AFF1: variants seen among roughly 807,000 people sequenced by gnomAD.
AFF1 encodes the protein AF4/FMR2 family member 1.
In AFF1, 48 loss-of-function variants were observed where a neutral mutation model predicts 121.7. That is an observed-to-expected ratio of 0.39 (90% CI 0.31 to 0.50). The LOEUF (loss-of-function observed/expected upper bound fraction) is 0.50, where lower values mean the gene tolerates loss of function less well. Ranked by LOEUF, AFF1 falls within the 20% of genes least tolerant of loss-of-function variation. AFF1 has a pLI of 0.76. For missense variants in AFF1, 1,523 were observed against 1,511.7 expected (o/e 1.01, Z -0.12); for synonymous variants, 613 against 563.0 (o/e 1.09, Z -1.26).
chr4:87,119,744 T>C (rs1482846808), intron 12 of AFF1, among the ~76,000 whole-genome samples: 1 of 152,206 alleles, frequency 6.6e-6, no homozygotes, highest in African/African-American at 2.4e-5. Context: ...AATAAGGAGG[T>C]GCATTCATTC....
rs767372184 is a variant in AFF1, at chr4:87,139,218, C to T, written c.*3517C>T. On this transcript the variant is annotated 3_prime_UTR_variant, in exon 21 of 21. Coordinates refer to ENST00000395146, the MANE Select transcript of AFF1 (RefSeq NM_001166693.3). ...TTTTTAAATACCGCTGTGTTTGTTT[C>T]GCCATGGCTTCAGGGATGCTACATG... 6 of 232,192 alleles carry T rather than the reference C, an allele frequency of 2.6e-5. No individual in the cohort carries two copies. The South Asian group carries it at 7.2e-4, about 28-fold the overall frequency. The allele number at this position is 232,192 out of a possible 1,614,324, so 14.4% of individuals were successfully genotyped here.
At chr4:87,005,031 A>G (rs936071991) in intron 2 of AFF1, among the ~76,000 whole-genome samples, 3 of 152,176 alleles carry the variant, frequency 2.0e-5, no homozygotes, top group Non-Finnish European at 2.9e-5. Context: ...TGTTTGAGAG[A>G]GAGTCTTACT....
intron 2 of AFF1, among the ~76,000 whole-genome samples, chr4:86,981,853 A>G (rs1723782524): frequency 6.6e-6 from 1 of 152,226 alleles, no homozygotes; most frequent in South Asian, 2.1e-4. Flanking sequence ...TTCCTCTTAA[A>G]GCCTGTTGGT....
intron 4 of AFF1, among the ~76,000 whole-genome samples, chr4:87,058,279 A>T (rs1403591629): frequency 3.3e-5 from 5 of 152,168 alleles, no homozygotes; most frequent in African/African-American, 1.2e-4. Context: ...ATGATGGCTT[A>T]TGTACACTTT....
chr4:86,959,402 C>G (rs1283448093), intron 2 of AFF1, among the ~76,000 whole-genome samples: 2 of 151,662 alleles, frequency 1.3e-5, no homozygotes, highest in Non-Finnish European at 1.5e-5. Context: ...TGTGTTGGGT[C>G]CCTTCCTCTT....
chr4:87,097,627 A>C, intron 8 of AFF1, among the ~76,000 whole-genome samples: 1 of 152,242 alleles, frequency 6.6e-6, no homozygotes, highest in East Asian at 1.9e-4. Context: ...AGGTAGAAGT[A>C]GGACCTAGTG....
chr4:87,102,488 T>C (rs758848796), intron 8 of AFF1, among the ~76,000 whole-genome samples: 3 of 152,212 alleles, frequency 2.0e-5, no homozygotes, highest in Non-Finnish European at 2.9e-5. Flanking sequence ...ATCTTGGGCA[T>C]GTCAGGTGGC....
At chr4:87,067,376 T>G (rs1185653512) in intron 4 of AFF1, among the ~76,000 whole-genome samples, 2 of 152,210 alleles carry the variant, frequency 1.3e-5, no homozygotes, top group Non-Finnish European at 2.9e-5. Flanking sequence ...TCCTGAGATT[T>G]TTGAGAATTC....
At position 87,092,655 on chromosome 4, in the gene AFF1, A is replaced by T. The variant is rs72879920; in HGVS notation, c.1228+826A>T. Among the ~76,000 whole-genome samples the T allele has an allele frequency of 1.5e-3, 227 of 152,190 alleles. 1 individual carries two copies. Among genetic ancestry groups the T allele is most frequent in the African/African-American group, 5.2e-3 (214 of 41,512 alleles). On this transcript the variant is annotated intron_variant, in intron 7 of 20. Transcript: ENST00000395146. ...CAAAGTATAGCACAAAAAACCTAAAATATTTATTGTCTGGCCTCTGTAGAT... is the reference window on the plus strand; with the variant it reads ...CAAAGTATAGCACAAAAAACCTAAATTATTTATTGTCTGGCCTCTGTAGAT...
In AFF1 at chr4:87,126,303, G is replaced by A; in HGVS notation, c.2778G>A (p.Glu926=). ...DSSIPKQRRV[E]GKGSRSSSEH... Reference sequence around the variant, plus strand: ...CCATTCCCAAGCAGAGAAGAGTAGAGGGGAAGGGCTCCAGAAGCTCCTCGG... The same window carrying A: ...CCATTCCCAAGCAGAGAAGAGTAGAAGGGAAGGGCTCCAGAAGCTCCTCGG... The change falls in exon 14 of 21, where the codon GAG becomes GAA. Residue 926 remains glutamate, a synonymous_variant. Coordinates refer to ENST00000395146, the MANE Select transcript of AFF1 (RefSeq NM_001166693.3). 1 of 1,614,166 alleles carries A rather than the reference G, an allele frequency of 6.2e-7. No homozygotes were observed. Among genetic ancestry groups the A allele is most frequent in the Non-Finnish European group, 8.5e-7 (1 of 1,180,020 alleles).
chr4:87,076,285 C>T (rs998003911), intron 4 of AFF1, among the ~76,000 whole-genome samples: 1 of 152,174 alleles, frequency 6.6e-6, no homozygotes, highest in African/African-American at 2.4e-5. Flanking sequence ...TCTCCTCTCC[C>T]TGAAAAATCT....
chr4:86,967,936 G>C (rs1722648631), intron 2 of AFF1, among the ~76,000 whole-genome samples: 1 of 152,178 alleles, frequency 6.6e-6, no homozygotes, highest in Non-Finnish European at 1.5e-5. Context: ...TTGTGCATGA[G>C]ATTTCCCAAC....
intron 4 of AFF1, among the ~76,000 whole-genome samples, chr4:87,068,435 T>C (rs1321189549): frequency 2.0e-5 from 3 of 152,242 alleles, no homozygotes; most frequent in African/African-American, 7.2e-5. Flanking sequence ...GGCTTAACTA[T>C]TTTGCTTGTG....
At chr4:87,056,107 G>A (rs958959512) in intron 4 of AFF1, among the ~76,000 whole-genome samples, 3 of 151,238 alleles carry the variant, frequency 2.0e-5, no homozygotes, top group African/African-American at 4.9e-5. Context: ...TCCTAACCCC[G>A]TGGTAATTTG....
intron 11 of AFF1, among the ~76,000 whole-genome samples, chr4:87,110,441 TTTTTGTTTTGTTTTGTTTTGTTTTG>T (rs70957206): frequency 0.017 from 2,435 of 144,040 alleles, 25 homozygotes; most frequent in Non-Finnish European, 0.028. Context: ...TGTTCTGGTT[TTTTTGTTTTGTTTTGTTTTGTTTTG>T]TTTTGTTTTG....
intron 20 of AFF1, 138 bp from the exon 21 acceptor site, chr4:87,135,442 T>A: frequency 1.1e-6 from 1 of 874,198 alleles, no homozygotes. Context: ...TTACAGTAGA[T>A]TGTGATTTTT....
intron 8 of AFF1, among the ~76,000 whole-genome samples, chr4:87,098,328 G>A (rs942766247): frequency 2.0e-5 from 3 of 152,176 alleles, no homozygotes; most frequent in South Asian, 2.1e-4. Flanking sequence ...GATTAGCTAG[G>A]ATGTTAGTGC....
intron 4 of AFF1, among the ~76,000 whole-genome samples, chr4:87,070,628 T>A (rs949394300): frequency 6.6e-6 from 1 of 152,280 alleles, no homozygotes; most frequent in Non-Finnish European, 1.5e-5. Flanking sequence ...TATTTGTTGT[T>A]TCTCATAAGA....
intron 2 of AFF1, among the ~76,000 whole-genome samples, chr4:87,039,134 C>T (rs2149597813): frequency 6.6e-6 from 1 of 152,338 alleles, no homozygotes; most frequent in South Asian, 2.1e-4. Flanking sequence ...CGTCTCATGC[C>T]CAACTTGGGC....
Sources: allele counts gnomAD v4.1 joint callset (sites outside exome capture counted in the v4.1 genomes callset), GRCh38; gene constraint gnomAD v4.1.1; transcripts MANE v1.5; gene names NCBI Gene and HGNC (gene_info 2026-07-23, HGNC 2026-07-21).